Variants in ANK3 observed in about 807,000 individuals in gnomAD.
ANK3 encodes the protein ankyrin-3.
ANK3 carries 57 observed loss-of-function variants against 370.9 expected under a neutral mutation model. The ratio of observed to expected loss-of-function variants is 0.15; its 90% CI spans 0.12 to 0.19. The LOEUF is 0.19. Ranked by LOEUF, ANK3 falls within the 10% of genes least tolerant of loss-of-function variation. ANK3 has a pLI of 1.00. For synonymous variants in ANK3, 1,929 were observed against 1,946.3 expected, an observed-to-expected ratio of 0.99 and a Z score of 0.23; for missense variants, 4,439 against 5,302.1, an observed-to-expected ratio of 0.84 and a Z score of 5.06.
At chr10:60,234,818 T>C (rs773300402) in intron 7 of ANK3, 32 bp from the exon 8 acceptor site, 1 of 1,486,438 alleles carries the variant, frequency 6.7e-7, no homozygotes, top group South Asian at 1.1e-5. Context: ...ACAGATTTGA[T>C]ATTTTTGGTT....
intron 8 of ANK3, among the ~76,000 whole-genome samples, chr10:60,216,579 T>C (rs1368101237): frequency 1.3e-5 from 2 of 152,078 alleles, no homozygotes; most frequent in East Asian, 3.9e-4. Context: ...ACTGATTTGC[T>C]TAAGTTGAAC....
At chr10:60,140,300 A>G in intron 23 of ANK3, 24 of 1,572,726 alleles carry the variant, frequency 1.5e-5, no homozygotes, top group Non-Finnish European at 2.1e-5. Context: ...TTGCACATTC[A>G]CTGCATCTCA....
intron 2 of ANK3, among the ~76,000 whole-genome samples, chr10:60,470,560 A>G (rs1249864693): frequency 6.6e-6 from 1 of 152,168 alleles, no homozygotes; most frequent in African/African-American, 2.4e-5. Context: ...GAAGAAATAC[A>G]CATTTGAGGT....
chr10:60,437,487 C>T (rs1268638175), intron 2 of ANK3, among the ~76,000 whole-genome samples: 1 of 152,190 alleles, frequency 6.6e-6, no homozygotes, highest in Non-Finnish European at 1.5e-5. Flanking sequence ...GTTACAGAGA[C>T]AGGGACTCAG....
chr10:60,056,681 C>T, intron 41 of ANK3, among the ~76,000 whole-genome samples: 1 of 152,096 alleles, frequency 6.6e-6, no homozygotes, highest in East Asian at 1.9e-4. Context: ...CCAAGCCCAC[C>T]AATCTTAAAG....
intron 6 of ANK3, 23 bp downstream of exon 6, chr10:60,263,812 G>T (rs1050831449): frequency 6.2e-7 from 1 of 1,612,550 alleles, no homozygotes; most frequent in African/African-American, 1.3e-5. Flanking sequence ...TTGCATGACA[G>T]GCCCGTGTCC....
At chr10:60,411,834 G>A (rs1594975724) in intron 2 of ANK3, among the ~76,000 whole-genome samples, 1 of 152,064 alleles carries the variant, frequency 6.6e-6, no homozygotes. Flanking sequence ...AAATGAAAGA[G>A]TATTTATAAA....
At chr10:60,386,114 C>A (rs529163960) in intron 1 of ANK3, among the ~76,000 whole-genome samples, 20 of 152,110 alleles carry the variant, frequency 1.3e-4, no homozygotes, top group African/African-American at 4.6e-4. Flanking sequence ...CTGCTGGGAG[C>A]AGGGGATATA....
chr10:60,171,314 T>A (rs2095788166), intron 21 of ANK3, among the ~76,000 whole-genome samples: 1 of 152,226 alleles, frequency 6.6e-6, no homozygotes, highest in Non-Finnish European at 1.5e-5. Flanking sequence ...TGTTTTTTAG[T>A]TTCTAAAGAC....
intron 23 of ANK3, among the ~76,000 whole-genome samples, chr10:60,146,949 C>T (rs1182307898): frequency 2.0e-5 from 3 of 152,172 alleles, no homozygotes; most frequent in Non-Finnish European, 4.4e-5. Context: ...ATCCTGATCC[C>T]TCAAACTTGG....
At chr10:60,648,151 TTTTTTCC>T (rs1279441964) in intron 1 of ANK3, among the ~76,000 whole-genome samples, 1 of 76,116 alleles carries the variant, frequency 1.3e-5, no homozygotes, top group Non-Finnish European at 2.9e-5. Flanking sequence ...AGCCTCTTTT[TTTTTTCC>T]TTTTTTTTTT....
At chr10:60,258,025 T>C (rs1017505044) in intron 7 of ANK3, among the ~76,000 whole-genome samples, 9 of 152,332 alleles carry the variant, frequency 5.9e-5, no homozygotes, top group African/African-American at 2.2e-4. Context: ...TCTTATTCAA[T>C]CAATAAAGGG....
At chr10:60,310,039 C>T (rs1467748265) in intron 1 of ANK3, among the ~76,000 whole-genome samples, 1 of 151,156 alleles carries the variant, frequency 6.6e-6, no homozygotes, top group African/African-American at 2.4e-5. Context: ...AATCTTCCTG[C>T]TTCAGCTTCC....
intron 1 of ANK3, among the ~76,000 whole-genome samples, chr10:60,688,312 C>A (rs947875846): frequency 6.6e-6 from 1 of 152,002 alleles, no homozygotes; most frequent in Non-Finnish European, 1.5e-5. Context: ...GTGATCCACC[C>A]GCCTCAGCCT....
At chr10:60,138,732 GGA>G in intron 24 of ANK3, 1 of 558,422 alleles carries the variant, frequency 1.8e-6, no homozygotes, top group Non-Finnish European at 3.0e-6. Flanking sequence ...CTGCAAAGTG[GGA>G]AAAAAAAAAA....
intron 2 of ANK3, among the ~76,000 whole-genome samples, chr10:60,438,211 T>TTA (rs1243713349): frequency 2.0e-5 from 3 of 151,768 alleles, no homozygotes; most frequent in Non-Finnish European, 2.9e-5. Context: ...GCCCAAAGTT[T>TTA]TATATATATA....
intron 4 of ANK3, among the ~76,000 whole-genome samples, chr10:60,275,158 C>T (rs2098069285): frequency 1.3e-5 from 2 of 152,126 alleles, no homozygotes; most frequent in African/African-American, 4.8e-5. Flanking sequence ...TATGGGTGCC[C>T]AATTTGCATT....
At chr10:60,627,612 G>A (rs902880580) in intron 1 of ANK3, among the ~76,000 whole-genome samples, 7 of 151,980 alleles carry the variant, frequency 4.6e-5, no homozygotes, top group Non-Finnish European at 7.4e-5. Context: ...AAACATGAAA[G>A]AAGCTAATTA....
chr10:60,187,134 A>ATTTTATTTTAT (rs373365875), intron 16 of ANK3, among the ~76,000 whole-genome samples: 1 of 144,738 alleles, frequency 6.9e-6, no homozygotes, highest in Non-Finnish European at 1.5e-5. Context: ...TGGACATTTT[A>ATTTTATTTTAT]TTTATTTTAT....
Sources: allele counts gnomAD v4.1 joint callset (sites outside exome capture counted in the v4.1 genomes callset), GRCh38; gene constraint gnomAD v4.1.1; transcripts MANE v1.5; gene names NCBI Gene and HGNC (gene_info 2026-07-23, HGNC 2026-07-21).